FHIT: variants seen among roughly 807,000 people sequenced by gnomAD.
FHIT encodes bis(5'-adenosyl)-triphosphatase.
A neutral mutation model predicts 17.9 loss-of-function variants in FHIT; 19 were observed. The ratio of observed to expected loss-of-function variants is 1.06; its 90% CI spans 0.74 to 1.56. The LOEUF (loss-of-function observed/expected upper bound fraction) is 1.56, where lower values mean the gene tolerates loss of function less well. Ranked by LOEUF, FHIT falls within the 40% of genes most tolerant of loss-of-function variation. The pLI is 0.00. For synonymous variants in FHIT, 81 were observed against 69.7 expected (o/e 1.16, Z -0.81); for missense variants, 248 against 189.2 (o/e 1.31, Z -1.82).
chr3:60,659,955 T>C (rs1157783990), intron 4 of FHIT, among the ~76,000 whole-genome samples: 1 of 152,174 alleles, frequency 6.6e-6, no homozygotes, highest in Non-Finnish European at 1.5e-5. Context: ...TGAATTGTTG[T>C]AGGTTGTCTC....
At chr3:61,018,996 G>C (rs533817876) in intron 3 of FHIT, among the ~76,000 whole-genome samples, 2 of 152,258 alleles carry the variant, frequency 1.3e-5, no homozygotes, top group Non-Finnish European at 2.9e-5. Context: ...GACAGTAATG[G>C]AATAAATAAA....
rs1575546537 is a variant in FHIT, at chr3:60,804,710, G to A, written c.-18+17209C>T. ...TTTTAGTCAAAGTTCTTGCTTCCCT[G>A]TAAACTTCTAGAGATTCAACCTCTA... is the stretch of plus-strand genomic sequence containing the variant. On this transcript the variant is annotated intron_variant, in intron 4 of 9. Coordinates refer to ENST00000492590, the MANE Select transcript of FHIT (RefSeq NM_002012.4). 2.0e-5 allele frequency among the ~76,000 whole-genome samples: 3 copies of A among 152,286 alleles called. No individual in the cohort carries two copies. In the East Asian group the frequency reaches 5.8e-4, roughly 29 times the overall value.
intron 4 of FHIT, among the ~76,000 whole-genome samples, chr3:60,717,681 A>T (rs1331648136): frequency 1.3e-5 from 2 of 152,198 alleles, no homozygotes; most frequent in African/African-American, 4.8e-5. Flanking sequence ...GTTCTAGAGC[A>T]GTTGTTCTTC....
At chr3:60,199,520 G>A (rs2107489418) in intron 5 of FHIT, among the ~76,000 whole-genome samples, 1 of 152,208 alleles carries the variant, frequency 6.6e-6, no homozygotes. Context: ...CAAATGTCAT[G>A]TCTTCCCAGC....
rs537759825 is a variant in FHIT at position 60,963,763 on chromosome 3, A to G, written c.-111+78284T>C. On this transcript the variant is annotated intron_variant, in intron 3 of 9. Coordinates refer to ENST00000492590, the MANE Select transcript of FHIT (RefSeq NM_002012.4). The stretch of plus-strand genomic sequence containing the variant: ...TTTTTGAATGAGTTTCTTAATCCTC[A>G]GTTCTTGTTTGATTGCACTGTGGTC... 2.0e-5 allele frequency among the ~76,000 whole-genome samples: 3 copies of G among 152,252 alleles called. No homozygotes were observed. The East Asian group carries it at 5.8e-4, about 29-fold the overall frequency.
At chr3:60,313,293 C>G (rs964017052) in intron 5 of FHIT, among the ~76,000 whole-genome samples, 1 of 152,156 alleles carries the variant, frequency 6.6e-6, no homozygotes, top group African/African-American at 2.4e-5. Flanking sequence ...CAAGAGGAAA[C>G]TAATATGTAA....
intron 5 of FHIT, among the ~76,000 whole-genome samples, chr3:60,175,431 T>A (rs1470709778): frequency 1.3e-5 from 2 of 152,144 alleles, no homozygotes; most frequent in African/African-American, 4.8e-5. Context: ...AATAGCATAA[T>A]TATATATGCT....
chr3:61,213,584 T>G (rs2039563376), intron 1 of FHIT, among the ~76,000 whole-genome samples: 1 of 152,100 alleles, frequency 6.6e-6, no homozygotes. Flanking sequence ...ACTGTCAACA[T>G]TAGACAGATC....
chr3:60,044,477 T>C (rs1488340755), intron 5 of FHIT, among the ~76,000 whole-genome samples: 5 of 152,176 alleles, frequency 3.3e-5, no homozygotes, highest in Non-Finnish European at 7.3e-5. Flanking sequence ...ATCGTGTCCC[T>C]CATTCCCTTT....
At chr3:59,868,094 G>T (rs959083728) in intron 8 of FHIT, among the ~76,000 whole-genome samples, 8 of 119,050 alleles carry the variant, frequency 6.7e-5, no homozygotes, top group Admixed American at 9.1e-5. Context: ...CCAGAATAAA[G>T]ACTGAACATG....
At chr3:61,087,824 G>A (rs2035353004) in intron 2 of FHIT, among the ~76,000 whole-genome samples, 1 of 152,000 alleles carries the variant, frequency 6.6e-6, no homozygotes, top group African/African-American at 2.4e-5. Context: ...AGGTAAGTTT[G>A]GTGGCAAGAA....
chr3:60,058,623 G>A (rs1202404088), intron 5 of FHIT, among the ~76,000 whole-genome samples: 1 of 152,130 alleles, frequency 6.6e-6, no homozygotes, highest in African/African-American at 2.4e-5. Flanking sequence ...TGCCACATCT[G>A]CCCTGATTCC....
intron 3 of FHIT, among the ~76,000 whole-genome samples, chr3:61,037,078 A>AT (rs2033292184): frequency 6.6e-6 from 1 of 151,976 alleles, no homozygotes; most frequent in South Asian, 2.1e-4. Flanking sequence ...CACCCGGCTA[A>AT]TTTTTTGTAT....
At chr3:60,220,800 C>T (rs1703926040) in intron 5 of FHIT, among the ~76,000 whole-genome samples, 1 of 152,136 alleles carries the variant, frequency 6.6e-6, no homozygotes, top group Non-Finnish European at 1.5e-5. Context: ...ACAGATTATA[C>T]ATTTAGAGCC....
intron 8 of FHIT, among the ~76,000 whole-genome samples, chr3:59,879,923 C>G (rs1162643703): frequency 1.7e-5 from 2 of 115,108 alleles, no homozygotes; most frequent in African/African-American, 1.2e-4. Context: ...TCCCCCACCC[C>G]CCCCCCCCCG....
chr3:60,606,047 T>G (rs906305210), intron 4 of FHIT, among the ~76,000 whole-genome samples: 7 of 152,156 alleles, frequency 4.6e-5, no homozygotes, highest in African/African-American at 1.7e-4. Flanking sequence ...CTTTTAAGGA[T>G]GCTAAATTCC....
intron 5 of FHIT, among the ~76,000 whole-genome samples, chr3:60,124,001 T>TAGAGAG (rs1705398141): frequency 2.9e-4 from 8 of 27,956 alleles, no homozygotes; most frequent in Non-Finnish European, 4.8e-4. Context: ...TATATATATA[T>TAGAGAG]ATATATATAG....
At chr3:60,518,285 T>C (rs563642783) in intron 5 of FHIT, among the ~76,000 whole-genome samples, 2 of 152,276 alleles carry the variant, frequency 1.3e-5, no homozygotes, top group African/African-American at 2.4e-5. Flanking sequence ...CTCTAACATA[T>C]TGGGTTTTTA....
intron 6 of FHIT, among the ~76,000 whole-genome samples, chr3:60,012,246 A>G (rs1700165695): frequency 6.6e-6 from 1 of 151,142 alleles, no homozygotes; most frequent in Non-Finnish European, 1.5e-5. Flanking sequence ...AAACAATGTA[A>G]ATCAGGTGTT....
Sources: allele counts gnomAD v4.1 joint callset (sites outside exome capture counted in the v4.1 genomes callset), GRCh38; gene constraint gnomAD v4.1.1; transcripts MANE v1.5; gene names NCBI Gene and HGNC (gene_info 2026-07-23, HGNC 2026-07-21).